SLX4: variants seen among roughly 807,000 people sequenced by gnomAD.
The protein encoded by SLX4 is structure-specific endonuclease subunit SLX4.
Under a neutral mutation model 146.2 loss-of-function variants are expected in SLX4, and 112 were observed. The ratio of observed to expected loss-of-function variants is 0.77; its 90% confidence interval spans 0.66 to 0.90. SLX4 has a LOEUF of 0.90. SLX4 is among the 40% of genes least tolerant of loss of function. The pLI is 0.00. For missense variants in SLX4, 2,563 were observed against 2,392.7 expected, an observed-to-expected ratio of 1.07 and a Z score of -1.49; for synonymous variants, 1,061 against 997.7, an observed-to-expected ratio of 1.06 and a Z score of -1.20.
intron 3 of SLX4, among the ~76,000 whole-genome samples, chr16:3,602,783 G>A (rs573959520): frequency 4.6e-5 from 7 of 152,282 alleles, no homozygotes; most frequent in East Asian, 1.9e-4. Context: ...ACCTTTTACT[G>A]CCCATGATAA....
intron 4 of SLX4, 61 bp downstream of exon 4, chr16:3,602,057 T>A: frequency 1.2e-6 from 2 of 1,608,714 alleles, no homozygotes; most frequent in South Asian, 2.2e-5. Context: ...ACTCCAGCCC[T>A]GGGGTGCTTG....
Position 3,592,761 on chromosome 16 carries a change from G to A in SLX4, c.2265C>T (p.Leu755=), listed in dbSNP as rs772664702. ...TEAARTFLHY[L]YTADTGLPPG... is the part of the protein sequence containing the mutation. The stretch of plus-strand genomic sequence containing the variant: ...GAGGAAGGCCAGTGTCCGCAGTGTA[G>A]AGATAGTGCAGGAACGTGCGGGCGG... Residue 755 remains leucine, a synonymous_variant, in exon 11 of 15, where the codon CTC becomes CTT. Transcript: ENST00000294008. 1 of 1,613,264 alleles carries A rather than the reference G, an allele frequency of 6.2e-7. No homozygotes were observed. The highest frequency in any genetic ancestry group is 8.5e-7 in the Non-Finnish European group (1 of 1,180,030).
rs1024445491 is a variant in SLX4, at chr16:3,611,116, G to C, written c.-603+444C>G. On this transcript the variant is annotated intron_variant, in intron 1 of 14. Coordinates refer to ENST00000294008, the MANE Select transcript of SLX4 (RefSeq NM_032444.4). ...GAGGGAAGGGGACTTGTGCCTCCTT[G>C]CTTCGTACCTACCGCAGCCCACGGC... Among the ~76,000 whole-genome samples the C allele has an allele frequency of 2.0e-5, 3 of 152,222 alleles. No homozygotes were observed. In the South Asian group the frequency reaches 6.2e-4, roughly 32 times the overall value.
rs139766312 is a variant in SLX4, at chr16:3,597,592, G to A, written c.1470C>T (p.Leu490=). The A allele has an allele frequency of 9.0e-5, 145 of 1,614,140 alleles. No homozygotes were observed. The African/African-American group carries it at 9.2e-4, about 10-fold the overall frequency. ...GRQIEDRVAL[L]LSEEVELSST... is the part of the protein sequence containing the mutation. ...TAGACAATTCCACTTCCTCAGAGAG[G>A]AGCAGGGCCACACGGTCCTCTATCT... Residue 490 remains leucine (L), a synonymous_variant, in exon 7 of 15, where the codon CTC becomes CTT. Transcript: ENST00000294008. The surrounding 1 kb of genome is among the most constrained non-coding windows in gnomAD (Gnocchi z 4.4).
Position 3,590,697 on chromosome 16 carries a change from C to T in SLX4, c.2941G>A (p.Gly981Arg), listed in dbSNP as rs546628836. The change falls in exon 12 of 15, where the codon GGG becomes AGG. Residue 981 changes from glycine to arginine, a missense_variant. Gly to Arg is a moderately radical substitution (Grantham distance 125, BLOSUM62 -2). Transcript: ENST00000294008. The surrounding 1 kb of genome is among the most constrained non-coding windows in gnomAD (Gnocchi z 4.8). ...GATGAGAAGAGCTGTTCGTAATCCC[C>T]GGCATCATCTGAGTGCGGAAGAGAG... ...EGSLPHSDDA[G>R]DYEQLFSSTQ... The T allele has an allele frequency of 4.0e-5, 64 of 1,614,188 alleles. No homozygotes were observed. In the South Asian group the frequency reaches 4.6e-4, roughly 12 times the overall value.
In SLX4 at chr16:3,589,960, C is replaced by T; in HGVS notation, c.3678G>A (p.Arg1226=). 1 of 1,613,876 alleles carries T rather than the reference C, an allele frequency of 6.2e-7. No individual in the cohort carries two copies. The highest frequency in any genetic ancestry group is 8.5e-7 in the Non-Finnish European group (1 of 1,180,000). ...GAGCCCCTCTCCTGCCCAAAGAGCC[C>T]CGATTCTCCGGCAGCGCCCCCTCAT... The part of the protein sequence containing the change: ...QEDEGALPEN[R]GSLGRRGAPW... Residue 1226 remains arginine (R), a synonymous_variant, in exon 12 of 15, where the codon CGG becomes CGA. Coordinates refer to ENST00000294008, the MANE Select transcript of SLX4 (RefSeq NM_032444.4). This position sits in a 1 kb window ranked among gnomAD's most constrained non-coding sequence, Gnocchi z 6.2.
At position 3,608,840 on chromosome 16, in the gene SLX4, T is replaced by G; in HGVS notation, c.125A>C (p.Gln42Pro). 1.2e-6 allele frequency: 2 copies of G among 1,614,194 alleles called. No homozygotes were observed. Among genetic ancestry groups the G allele is most frequent in the South Asian group, 1.1e-5 (1 of 91,082 alleles). ...EDQPESLKTG[Q>P]MMDESDEDFK... The stretch of plus-strand genomic sequence containing the variant: ...GTCCTCATCAGACTCATCCATCATC[T>G]GACCAGTTTTAAGGCTTTCAGGCTG... The change falls in exon 2 of 15, where the codon CAG becomes CCG. Residue 42 changes from glutamine to proline, a missense_variant. Gln to Pro is a moderately conservative substitution (Grantham distance 76, BLOSUM62 -1). Transcript: ENST00000294008.
Position 3,589,553 on chromosome 16 carries a change from A to G in SLX4, c.4085T>C (p.Ile1362Thr). The G allele has an allele frequency of 6.2e-7, 1 of 1,611,796 alleles. No individual in the cohort carries two copies. The highest frequency in any genetic ancestry group is 8.5e-7 in the Non-Finnish European group (1 of 1,178,898). Residue 1362 changes from isoleucine (I) to threonine (T), a missense_variant, in exon 12 of 15, where the codon ATC (isoleucine) becomes ACC (threonine). Coordinates refer to ENST00000294008, the MANE Select transcript of SLX4 (RefSeq NM_032444.4). This position sits in a 1 kb window ranked among gnomAD's most constrained non-coding sequence, Gnocchi z 6.2. ...GCTGAAGTGGGCGCGGTCCCCTGAGATGGGATGTGGAGCCAGCGGAGAGGA... is the reference window on the plus strand; with the variant it reads ...GCTGAAGTGGGCGCGGTCCCCTGAGGTGGGATGTGGAGCCAGCGGAGAGGA... Reference protein sequence around the residue: ...PHSSPLAPHPISGDRAHFSRR... With the variant: ...PHSSPLAPHPTSGDRAHFSRR...
At chr16:3,598,220 G>A (rs748911385) in intron 5 of SLX4, among the ~76,000 whole-genome samples, 6 of 152,146 alleles carry the variant, frequency 3.9e-5, no homozygotes, top group Non-Finnish European at 7.3e-5. Flanking sequence ...GTTCCTTCAC[G>A]TGCTGCTGTC....
intron 3 of SLX4, among the ~76,000 whole-genome samples, chr16:3,604,760 C>T (rs1174095197): frequency 6.8e-6 from 1 of 148,118 alleles, no homozygotes; most frequent in Non-Finnish European, 1.5e-5. Context: ...GTGGAGTTTG[C>T]AGTGAGCCGA....
chr16:3,607,919 T>C (rs926729627), intron 2 of SLX4, among the ~76,000 whole-genome samples: 2 of 152,218 alleles, frequency 1.3e-5, no homozygotes, highest in Admixed American at 1.3e-4. Flanking sequence ...GTGTAACTCA[T>C]GTCAATCATA....
chr16:3,602,194 C>T lies in SLX4; in HGVS notation c.874G>A (p.Gly292Ser), dbSNP rs780402573. 9.3e-6 allele frequency: 15 copies of T among 1,614,026 alleles called. No homozygotes were observed. Among genetic ancestry groups the T allele is most frequent in the Non-Finnish European group, 1.3e-5 (15 of 1,180,048 alleles). Residue 292 changes from glycine to serine, a missense_variant, in exon 4 of 15, where the codon GGT becomes AGT. Coordinates refer to ENST00000294008, the MANE Select transcript of SLX4 (RefSeq NM_032444.4). ...TGACAAATCTGGCAGAAGAACAAAC[C>T]CTTTTCCTCCAGGCTATCATCATGT... is the stretch of plus-strand genomic sequence containing the variant. ...SAHDDSLEEK[G>S]LFFCQICQKN...
chr16:3,592,932 G>A, intron 10 of SLX4, 67 bp from the exon 11 acceptor site: 1 of 1,495,038 alleles, frequency 6.7e-7, no homozygotes, highest in Non-Finnish European at 9.0e-7. Context: ...AAAGCAGACG[G>A]TCTGGGGTGT....
chr16:3,583,848 C>T (rs903745700), intron 13 of SLX4, among the ~76,000 whole-genome samples: 10 of 151,768 alleles, frequency 6.6e-5, no homozygotes, highest in African/African-American at 2.4e-4. Context: ...ACAAAAAATA[C>T]AAAAATTAGC....
chr16:3,597,335 C>A lies in SLX4; in HGVS notation c.1683+44G>T. 1 of 1,475,744 alleles carries A rather than the reference C, an allele frequency of 6.8e-7. No individual in the cohort carries two copies. The highest frequency in any genetic ancestry group is 2.5e-5 in the East Asian group (1 of 40,524). 91.4% of individuals were successfully genotyped at this position (1,475,744 alleles called of 1,614,324 possible). A position where few individuals can be genotyped will look rare whatever the true frequency, so the allele number is the denominator to read the frequency against. ...AGTGTTGCAGTTCTGGGATTGCCAACCTCCCCCAAAAGCCTATCCATGTGC... is the reference window on the plus strand; with the variant it reads ...AGTGTTGCAGTTCTGGGATTGCCAAACTCCCCCAAAAGCCTATCCATGTGC... On this transcript the variant is annotated intron_variant, in intron 7 of 14. Coordinates refer to ENST00000294008, the MANE Select transcript of SLX4 (RefSeq NM_032444.4). The surrounding 1 kb of genome is among the most constrained non-coding windows in gnomAD (Gnocchi z 4.4).
intron 3 of SLX4, among the ~76,000 whole-genome samples, chr16:3,602,799 G>C (rs1261289546): frequency 3.9e-5 from 6 of 152,164 alleles, no homozygotes; most frequent in African/African-American, 1.2e-4. Context: ...GATAAAACCA[G>C]GGCAGAGTGA....
rs2040643831 is a variant in SLX4, at chr16:3,595,662, C to T, written c.1956G>A (p.Leu652=). Residue 652 remains leucine, a synonymous_variant, in exon 9 of 15, where the codon CTG becomes CTA. Transcript: ENST00000294008. ...GLDVVPGGLP[L]TGFVVPSQDK... ...CCTGCGATGGCACCACAAACCCAGT[C>T]AGAGGAAGGCCGCCGGGCACCACGT... is the stretch of plus-strand genomic sequence containing the variant. The T allele has an allele frequency of 6.2e-7, 1 of 1,613,970 alleles. No homozygotes were observed. Among genetic ancestry groups the T allele is most frequent in the Non-Finnish European group, 8.5e-7 (1 of 1,180,042 alleles).
chr16:3,590,035 C>T lies in SLX4; in HGVS notation c.3603G>A (p.Gln1201=). 1 of 1,614,148 alleles carries T rather than the reference C, an allele frequency of 6.2e-7. No homozygotes were observed. Among genetic ancestry groups the T allele is most frequent in the Non-Finnish European group, 8.5e-7 (1 of 1,180,048 alleles). Reference sequence around the variant, plus strand: ...TTCTTGGTGGGCTCTGGGAAGGTTCCTGATCTGCATCAACATCAATGATGG... The same window carrying T: ...TTCTTGGTGGGCTCTGGGAAGGTTCTTGATCTGCATCAACATCAATGATGG... The part of the protein sequence containing the change: ...LFSIIDVDAD[Q]EPSQSPPRSE... The change falls in exon 12 of 15, where the codon CAG becomes CAA. Residue 1201 remains glutamine, a synonymous_variant. Transcript: ENST00000294008. This position sits in a 1 kb window ranked among gnomAD's most constrained non-coding sequence, Gnocchi z 4.8.
In SLX4 at chr16:3,590,200, G is replaced by C. The variant is rs78541095; in HGVS notation, c.3438C>G (p.Asn1146Lys). The change falls in exon 12 of 15, where the codon AAC (asparagine) becomes AAG (lysine). Residue 1146 changes from asparagine (N) to lysine (K), a missense_variant. Coordinates refer to ENST00000294008, the MANE Select transcript of SLX4 (RefSeq NM_032444.4). The surrounding 1 kb of genome is among the most constrained non-coding windows in gnomAD (Gnocchi z 4.8). ...GTAAGAGGATGACCTCATCTTCTTC[G>C]TTCAGTTTGGATGAAGATTTCTGAG... The part of the protein sequence containing the change: ...SRSQKSSSKL[N>K]EEDEVILLLD... 3 of 1,614,004 alleles carry C rather than the reference G, an allele frequency of 1.9e-6. No individual in the cohort carries two copies. Among genetic ancestry groups the C allele is most frequent in the African/African-American group, 2.7e-5 (2 of 74,900 alleles).
Sources: gnomAD v4.1 joint callset for allele counts (sites outside exome capture counted in the v4.1 genomes callset) on GRCh38, gnomAD v4.1.1 for gene constraint, Gnocchi (gnomAD v3.1) non-coding constraint, MANE v1.5 for transcripts, NCBI Gene and HGNC (gene_info 2026-07-23, HGNC 2026-07-21) for gene names.